Variants in MALRD1 observed in about 807,000 individuals in gnomAD.
MALRD1 encodes the protein MAM and LDL receptor class A domain containing 1.
A neutral mutation model predicts 242.1 loss-of-function variants in MALRD1; 247 were observed. The ratio of observed to expected loss-of-function variants is 1.02; its 90% CI spans 0.92 to 1.13. MALRD1 has a LOEUF of 1.13. MALRD1 is among the 50% of genes most tolerant of loss of function. The probability of loss-of-function intolerance (pLI) is 0.00; values close to 1 mark genes in which losing one functional copy is unlikely to be tolerated. For missense variants in MALRD1, 2,989 were observed against 2,533.1 expected, an observed-to-expected ratio of 1.18 and a Z score of -3.86; for synonymous variants, 995 against 866.6, an observed-to-expected ratio of 1.15 and a Z score of -2.60.
chr10:19,163,729 C>T (rs919214925), intron 12 of MALRD1, among the ~76,000 whole-genome samples: 7 of 152,110 alleles, frequency 4.6e-5, no homozygotes, highest in African/African-American at 1.7e-4. Context: ...TGATTTCACC[C>T]TCAAAAATTC....
chr10:19,091,746 T>G lies in MALRD1; in HGVS notation c.597+3561T>G, dbSNP rs1169786194. ...GCATTTAGTGCTATAAATTTCCCTG[T>G]ACACACTGCTTTGAATGTGTCCCAG... On this transcript the variant is annotated intron_variant, in intron 4 of 39. Coordinates refer to ENST00000454679, the MANE Select transcript of MALRD1 (RefSeq NM_001142308.3). Among the ~76,000 whole-genome samples the G allele has an allele frequency of 2.2e-5, 2 of 92,666 alleles. 1 individual carries two copies. Among genetic ancestry groups the G allele is most frequent in the Non-Finnish European group, 4.2e-5 (2 of 47,204 alleles). The allele number at this position is 92,666 out of a possible 152,430, so 60.8% of individuals were successfully genotyped here.
At chr10:19,205,648 A>G (rs1344718594) in intron 17 of MALRD1, among the ~76,000 whole-genome samples, 1 of 152,124 alleles carries the variant, frequency 6.6e-6, no homozygotes, top group African/African-American at 2.4e-5. Context: ...ATTGGGACTT[A>G]GATCAGATCT....
chr10:19,095,551 A>G (rs1835995797), intron 4 of MALRD1, among the ~76,000 whole-genome samples: 1 of 152,064 alleles, frequency 6.6e-6, no homozygotes, highest in Non-Finnish European at 1.5e-5. Context: ...AGAAAGATTA[A>G]TTTGGGGCTC....
intron 36 of MALRD1, among the ~76,000 whole-genome samples, chr10:19,652,608 A>G (rs983863344): frequency 1.4e-4 from 21 of 152,198 alleles, no homozygotes; most frequent in Non-Finnish European, 7.3e-5. Context: ...AACTGAAGCA[A>G]GGAGGATTTG....
intron 14 of MALRD1, among the ~76,000 whole-genome samples, chr10:19,179,418 G>A (rs2131553286): frequency 6.6e-6 from 1 of 152,286 alleles, no homozygotes; most frequent in Non-Finnish European, 1.5e-5. Flanking sequence ...GGGAGGCTGA[G>A]GCATGTTGAT....
intron 36 of MALRD1, among the ~76,000 whole-genome samples, chr10:19,671,545 G>C (rs1043868160): frequency 1.3e-5 from 2 of 151,996 alleles, no homozygotes; most frequent in Non-Finnish European, 2.9e-5. Flanking sequence ...TTGAACCGAG[G>C]AGGCGGAGGA....
chr10:19,113,672 G>C (rs750453669), intron 5 of MALRD1, among the ~76,000 whole-genome samples: 9 of 140,456 alleles, frequency 6.4e-5, no homozygotes, highest in Non-Finnish European at 1.1e-4. Context: ...CTTTGTTTTT[G>C]ATATGTCCTT....
At chr10:19,643,560 A>G (rs931115346) in intron 36 of MALRD1, among the ~76,000 whole-genome samples, 6 of 152,224 alleles carry the variant, frequency 3.9e-5, no homozygotes, top group Middle Eastern at 3.2e-3. Flanking sequence ...TAATTTTATA[A>G]TAGACGCTCA....
chr10:19,480,617 A>G (rs1836950775), intron 29 of MALRD1, among the ~76,000 whole-genome samples: 1 of 152,384 alleles, frequency 6.6e-6, no homozygotes, highest in East Asian at 1.9e-4. Flanking sequence ...ATCATTAGAT[A>G]TCTATGCAAG....
chr10:19,522,163 G>A (rs16918962), intron 31 of MALRD1, among the ~76,000 whole-genome samples: 9,581 of 152,116 alleles, frequency 0.063, 935 homozygotes, highest in African/African-American at 0.21. Flanking sequence ...TAGCATCAAG[G>A]ACTGTCTGCA....
At chr10:19,348,250 T>C (rs1844219133) in intron 25 of MALRD1, among the ~76,000 whole-genome samples, 1 of 151,854 alleles carries the variant, frequency 6.6e-6, no homozygotes, top group African/African-American at 2.4e-5. Context: ...ATACTGAAGT[T>C]TGGGAAACTG....
Position 19,648,967 on chromosome 10 carries a change from A to G in MALRD1, c.6137+33044A>G, listed in dbSNP as rs114783096. ...CATAAGTTCTTATCATTGAGCCCCC[A>G]CTTATAAGTGAGAACATGCAGTATT... On this transcript the variant is annotated intron_variant, in intron 36 of 39. Transcript: ENST00000454679. 9.9e-3 allele frequency among the ~76,000 whole-genome samples: 1,499 copies of G among 152,154 alleles called. 22 individuals carry two copies. Among genetic ancestry groups the G allele is most frequent in the African/African-American group, 0.034 (1,405 of 41,502 alleles).
At chr10:19,673,585 T>C (rs893150139) in intron 36 of MALRD1, among the ~76,000 whole-genome samples, 1 of 152,124 alleles carries the variant, frequency 6.6e-6, no homozygotes, top group Non-Finnish European at 1.5e-5. Flanking sequence ...TTTTTGAGCT[T>C]CTATTACTAG....
intron 18 of MALRD1, among the ~76,000 whole-genome samples, chr10:19,237,676 TA>T (rs1281557060): frequency 1.7e-5 from 2 of 119,140 alleles, no homozygotes; most frequent in East Asian, 2.3e-4. Flanking sequence ...TATATAATTA[TA>T]TATAATTTAT....
intron 27 of MALRD1, among the ~76,000 whole-genome samples, chr10:19,388,709 A>G (rs1413518300): frequency 6.6e-6 from 1 of 152,140 alleles, no homozygotes; most frequent in Non-Finnish European, 1.5e-5. Flanking sequence ...GACTTGATGA[A>G]GGAATAAAGG....
At chr10:19,171,340 G>T (rs1243185426) in intron 13 of MALRD1, among the ~76,000 whole-genome samples, 3 of 150,230 alleles carry the variant, frequency 2.0e-5, no homozygotes, top group Admixed American at 6.6e-5. Context: ...CAGCTCTTCT[G>T]AGTGACCTCT....
chr10:19,480,795 CTCT>C (rs1363828982), intron 29 of MALRD1, among the ~76,000 whole-genome samples: 1 of 151,968 alleles, frequency 6.6e-6, no homozygotes, highest in Non-Finnish European at 1.5e-5. Flanking sequence ...TTCTTGTTAT[CTCT>C]TCTTCCTTCT....
intron 36 of MALRD1, among the ~76,000 whole-genome samples, chr10:19,681,849 G>T (rs1228700056): frequency 7.5e-6 from 1 of 133,426 alleles, no homozygotes; most frequent in Admixed American, 9.1e-5. Flanking sequence ...TTTTTGTGGG[G>T]GAATGTCACT....
chr10:19,118,427 C>A (rs1011338061), intron 5 of MALRD1, among the ~76,000 whole-genome samples: 1 of 152,148 alleles, frequency 6.6e-6, no homozygotes, highest in Admixed American at 6.5e-5. Flanking sequence ...AAAGGCAGAA[C>A]AACTGGAAGA....
Sources: gnomAD v4.1 joint callset for allele counts (sites outside exome capture counted in the v4.1 genomes callset) on GRCh38, gnomAD v4.1.1 for gene constraint, MANE v1.5 for transcripts, NCBI Gene and HGNC (gene_info 2026-07-23, HGNC 2026-07-21) for gene names.